FGFR2: variants seen among roughly 807,000 people sequenced by gnomAD.
FGFR2 encodes the protein fibroblast growth factor receptor 2.
A neutral mutation model predicts 95.9 loss-of-function variants in FGFR2; 19 were observed. That is an observed-to-expected ratio of 0.20 (90% CI 0.14 to 0.29). The LOEUF (loss-of-function observed/expected upper bound fraction) is 0.29, where lower values mean the gene tolerates loss of function less well. Among genes scored for constraint, FGFR2 ranks in the 10% least tolerant of loss-of-function variants. FGFR2 has a pLI of 1.00. For missense variants in FGFR2, 707 were observed against 1,056.9 expected (o/e 0.67, Z 4.59); for synonymous variants, 392 against 393.3 (o/e 1.00, Z 0.04).
At position 121,518,617 on chromosome 10, in the gene FGFR2, A is replaced by G; in HGVS notation, c.940-1154T>C. On this transcript the variant is annotated intron_variant, in intron 7 of 17. Coordinates refer to ENST00000358487, the MANE Select transcript of FGFR2 (RefSeq NM_000141.5). The surrounding 1 kb of genome is among the most constrained non-coding windows in gnomAD (Gnocchi z 4.0). ...GCTGCCTGCAGTCTCCCAAAGCACC[A>G]AGTCTTTTCAGCTTCTATATCCAGC... is the stretch of plus-strand genomic sequence containing the variant. 8 of 1,597,568 alleles carry G rather than the reference A, an allele frequency of 5.0e-6. No homozygotes were observed. The highest frequency in any genetic ancestry group is 6.9e-6 in the Non-Finnish European group (8 of 1,167,140).
At chr10:121,493,589 T>C (rs1216614174) in intron 13 of FGFR2, among the ~76,000 whole-genome samples, 1 of 152,224 alleles carries the variant, frequency 6.6e-6, no homozygotes, top group Non-Finnish European at 1.5e-5. Flanking sequence ...CTGTTTCTGG[T>C]GCTTTCAGTC....
At chr10:121,588,238 T>C (rs1394714280) in intron 2 of FGFR2, among the ~76,000 whole-genome samples, 1 of 151,998 alleles carries the variant, frequency 6.6e-6, no homozygotes, top group African/African-American at 2.4e-5. Context: ...TGAGGTCTAC[T>C]TGAGGGTGGA....
intron 2 of FGFR2, among the ~76,000 whole-genome samples, chr10:121,588,635 AAGGCT>A (rs1190917703): frequency 3.3e-5 from 5 of 152,160 alleles, no homozygotes; most frequent in Non-Finnish European, 7.3e-5. Context: ...TGCAAAACTT[AAGGCT>A]AGGACAGGTG....
intron 2 of FGFR2, among the ~76,000 whole-genome samples, chr10:121,591,541 T>G (rs1241142937): frequency 6.6e-6 from 1 of 152,240 alleles, no homozygotes; most frequent in East Asian, 1.9e-4. Context: ...TGACTATTAA[T>G]GAAGAGACCC....
chr10:121,501,551 C>T lies in FGFR2; in HGVS notation c.1440-604G>A, dbSNP rs41295617. ...CAATGAAGAAAATCCAAAGTGAACA[C>T]CACAAATTAAATTTCTAAGATTACA... On this transcript the variant is annotated intron_variant, in intron 10 of 17. Transcript: ENST00000358487. Among the ~76,000 whole-genome samples, 837 of 152,238 alleles carry T rather than the reference C, an allele frequency of 5.5e-3. 7 individuals carry two copies. Among genetic ancestry groups the T allele is most frequent in the African/African-American group, 0.02 (815 of 41,540 alleles).
chr10:121,500,075 C>T (rs1052333411), intron 11 of FGFR2, among the ~76,000 whole-genome samples: 9 of 152,164 alleles, frequency 5.9e-5, no homozygotes, highest in Non-Finnish European at 1.0e-4. Flanking sequence ...ATCTTCTTTC[C>T]GAGATCCCTA....
At chr10:121,582,683 T>A (rs942792619) in intron 2 of FGFR2, among the ~76,000 whole-genome samples, 2 of 152,044 alleles carry the variant, frequency 1.3e-5, no homozygotes, top group African/African-American at 2.4e-5. Context: ...CTCTAGACGC[T>A]GAGGCAGGAG....
intron 4 of FGFR2, among the ~76,000 whole-genome samples, chr10:121,554,651 G>A (rs1221124361): frequency 1.3e-5 from 2 of 151,976 alleles, no homozygotes; most frequent in Non-Finnish European, 2.9e-5. Flanking sequence ...GATTACAGGC[G>A]TGAGCTACCG....
At chr10:121,577,790 CG>C (rs1335669546) in intron 2 of FGFR2, among the ~76,000 whole-genome samples, 1 of 151,930 alleles carries the variant, frequency 6.6e-6, no homozygotes, top group Admixed American at 6.6e-5. Context: ...TCCACCTGCC[CG>C]GGGGGAGGAA....
intron 10 of FGFR2, among the ~76,000 whole-genome samples, chr10:121,502,765 T>A (rs1847762875): frequency 6.6e-6 from 1 of 152,182 alleles, no homozygotes; most frequent in Non-Finnish European, 1.5e-5. Context: ...AGTCAGCATT[T>A]CCACCTTCCC....
chr10:121,535,803 A>G (rs1328772759), intron 6 of FGFR2, among the ~76,000 whole-genome samples: 2 of 152,168 alleles, frequency 1.3e-5, no homozygotes, highest in Non-Finnish European at 2.9e-5. Flanking sequence ...ACACACAACA[A>G]TGGCTTGCCG....
chr10:121,593,062 G>A lies in FGFR2; in HGVS notation c.109+647C>T, dbSNP rs375161189. Among the ~76,000 whole-genome samples, 15 of 152,254 alleles carry A rather than the reference G, an allele frequency of 9.9e-5. No individual in the cohort carries two copies. In the East Asian group the frequency reaches 1.9e-3, roughly 20 times the overall value. On this transcript the variant is annotated intron_variant, in intron 2 of 17. Coordinates refer to ENST00000358487, the MANE Select transcript of FGFR2 (RefSeq NM_000141.5). ...ATTAAATTTCCAAAGCTGTGACACC[G>A]GCGCATGCCCTGTGATACTTGGAGG...
chr10:121,526,263 G>T (rs1192584433), intron 6 of FGFR2: 2 of 398,588 alleles, frequency 5.0e-6, no homozygotes, highest in Non-Finnish European at 8.8e-6. Flanking sequence ...TTTTTCTAAA[G>T]CCTGCCTAGC....
rs138052037 is a variant in FGFR2, at chr10:121,487,183, G to C, written c.2057+171C>G. On this transcript the variant is annotated intron_variant, in intron 15 of 17. Coordinates refer to ENST00000358487, the MANE Select transcript of FGFR2 (RefSeq NM_000141.5). ...TTTGAAGCCAGGCAGATTAGTAACA[G>C]AGCATTGGTTATCAGCCTACCATAA... 9.2e-5 allele frequency among the ~76,000 whole-genome samples: 14 copies of C among 152,366 alleles called. No individual in the cohort carries two copies. The East Asian group carries it at 2.7e-3, about 29-fold the overall frequency.
At chr10:121,496,420 A>G in intron 13 of FGFR2, 112 bp downstream of exon 13, 1 of 1,047,266 alleles carries the variant, frequency 9.5e-7, no homozygotes, top group Admixed American at 1.7e-5. Context: ...TCCAGGTTGT[A>G]CAAGACATGC....
At chr10:121,490,734 G>A (rs2912795) in intron 13 of FGFR2, among the ~76,000 whole-genome samples, 69,782 of 151,920 alleles carry the variant, frequency 0.46, 18,173 homozygotes, top group Admixed American at 0.62. Flanking sequence ...GGCACTCCAC[G>A]AAATGGACAA....
At chr10:121,551,191 G>A in intron 5 of FGFR2, 99 bp downstream of exon 5, 5 of 1,399,228 alleles carry the variant, frequency 3.6e-6, no homozygotes, top group Non-Finnish European at 5.0e-6. Flanking sequence ...CGGCACTCCA[G>A]CCTGGGCGAC....
intron 2 of FGFR2, among the ~76,000 whole-genome samples, chr10:121,581,089 A>C (rs1860786244): frequency 6.6e-6 from 1 of 152,210 alleles, no homozygotes; most frequent in Non-Finnish European, 1.5e-5. Flanking sequence ...TAGAGGTAGT[A>C]ACAGAAAAGA....
intron 6 of FGFR2, among the ~76,000 whole-genome samples, chr10:121,522,599 A>G (rs1474805429): frequency 2.6e-5 from 4 of 152,360 alleles, no homozygotes; most frequent in Non-Finnish European, 5.9e-5. Flanking sequence ...TCTCATGCTT[A>G]GCATTCTTGC....
Sources: allele counts gnomAD v4.1 joint callset (sites outside exome capture counted in the v4.1 genomes callset), GRCh38; gene constraint gnomAD v4.1.1; non-coding constraint Gnocchi (gnomAD v3.1); transcripts MANE v1.5; gene names NCBI Gene and HGNC (gene_info 2026-07-23, HGNC 2026-07-21).